Variants in GALNT13 observed in about 807,000 individuals in gnomAD.
GALNT13 encodes polypeptide N-acetylgalactosaminyltransferase 13, also known as UDP-GalNAc:polypeptide N-acetylgalactosaminyltransferase 13.
Under a neutral mutation model 64.2 loss-of-function variants are expected in GALNT13, and 28 were observed. The ratio of observed to expected loss-of-function variants is 0.44; its 90% confidence interval spans 0.32 to 0.60. The LOEUF is 0.60. Ranked by LOEUF, GALNT13 falls within the 20% of genes least tolerant of loss-of-function variation. GALNT13 has a pLI of 0.05. For missense variants in GALNT13, 577 were observed against 669.8 expected (o/e 0.86, Z 1.53); for synonymous variants, 214 against 224.6 (o/e 0.95, Z 0.42).
chr2:154,339,951 TTA>T (rs1166575019), intron 9 of GALNT13, among the ~76,000 whole-genome samples: 1 of 152,106 alleles, frequency 6.6e-6, no homozygotes, highest in East Asian at 1.9e-4. Context: ...AATATATATT[TTA>T]TGTTTTCTAC....
the GALNT13 span, among the ~76,000 whole-genome samples, chr2:153,367,835 G>A: frequency 2.0e-5 from 3 of 151,752 alleles, no homozygotes; most frequent in African/African-American, 7.3e-5. Flanking sequence ...ATCAACGTAA[G>A]AGAGAAAAAG....
chr2:154,355,243 G>A (rs998091531), intron 9 of GALNT13, among the ~76,000 whole-genome samples: 1 of 152,034 alleles, frequency 6.6e-6, no homozygotes, highest in African/African-American at 2.4e-5. Flanking sequence ...TTTAATTTTT[G>A]CAGTAATTCT....
At chr2:153,628,167 A>G in the GALNT13 span, among the ~76,000 whole-genome samples, 1 of 151,944 alleles carries the variant, frequency 6.6e-6, no homozygotes, top group African/African-American at 2.4e-5. Flanking sequence ...GGTGTATAAG[A>G]ATGCTTGTGA....
the GALNT13 span, among the ~76,000 whole-genome samples, chr2:153,445,977 T>C: frequency 6.6e-6 from 1 of 152,210 alleles, no homozygotes; most frequent in African/African-American, 2.4e-5. Context: ...GCTTTATTCC[T>C]TTATATGTTA....
intron 9 of GALNT13, among the ~76,000 whole-genome samples, chr2:154,342,603 A>T (rs1559101421): frequency 6.6e-6 from 1 of 152,094 alleles, no homozygotes; most frequent in Non-Finnish European, 1.5e-5. Flanking sequence ...TTCATAAAAA[A>T]AACTTTAATT....
intron 2 of GALNT13, among the ~76,000 whole-genome samples, chr2:153,910,517 T>A (rs1179406921): frequency 6.6e-6 from 1 of 152,146 alleles, no homozygotes; most frequent in Non-Finnish European, 1.5e-5. Flanking sequence ...CTTCTTTTAT[T>A]TGTGATGGTG....
chr2:153,073,505 T>G, the GALNT13 span, among the ~76,000 whole-genome samples: 1 of 152,026 alleles, frequency 6.6e-6, no homozygotes, highest in Non-Finnish European at 1.5e-5. Context: ...AATAAACTGA[T>G]TTTTCATACT....
the GALNT13 span, among the ~76,000 whole-genome samples, chr2:153,556,926 C>A: frequency 6.6e-6 from 1 of 152,146 alleles, no homozygotes; most frequent in Non-Finnish European, 1.5e-5. Context: ...TTACATTTAT[C>A]TGCCCACCTA....
chr2:153,981,037 A>G (rs991578657), intron 3 of GALNT13, among the ~76,000 whole-genome samples: 1 of 152,152 alleles, frequency 6.6e-6, no homozygotes, highest in Non-Finnish European at 1.5e-5. Context: ...ACTGTCTGCT[A>G]CATTATTAAA....
chr2:153,994,727 G>T (rs779597480), intron 3 of GALNT13, among the ~76,000 whole-genome samples: 1 of 152,044 alleles, frequency 6.6e-6, no homozygotes, highest in East Asian at 1.9e-4. Context: ...TTTGAGAAGC[G>T]TCTGTTCATA....
chr2:153,257,125 C>T, the GALNT13 span, among the ~76,000 whole-genome samples: 7 of 152,228 alleles, frequency 4.6e-5, no homozygotes, highest in Non-Finnish European at 8.8e-5. Flanking sequence ...GTAGGACCCT[C>T]CGAGCCAGGT....
the GALNT13 span, among the ~76,000 whole-genome samples, chr2:153,589,701 A>G: frequency 1.6e-4 from 24 of 152,204 alleles, 1 homozygote; most frequent in Admixed American, 1.4e-3. Flanking sequence ...CCACAAGCAA[A>G]CAGAGACAAC....
chr2:153,304,853 A>G, the GALNT13 span, among the ~76,000 whole-genome samples: 3 of 152,106 alleles, frequency 2.0e-5, no homozygotes, highest in Admixed American at 2.0e-4. Context: ...TTTTGGTGCA[A>G]TAGATAATAA....
At chr2:153,672,494 T>A in the GALNT13 span, among the ~76,000 whole-genome samples, 1 of 152,170 alleles carries the variant, frequency 6.6e-6, no homozygotes, top group African/African-American at 2.4e-5. Context: ...AAGAAGTTCT[T>A]TGAAACCAAT....
chr2:153,589,620 C>G, the GALNT13 span, among the ~76,000 whole-genome samples: 1 of 152,162 alleles, frequency 6.6e-6, no homozygotes, highest in Admixed American at 6.5e-5. Context: ...CTTACAATTC[C>G]ACATGGCTGA....
intron 12 of GALNT13, among the ~76,000 whole-genome samples, chr2:154,439,043 G>A (rs1017242596): frequency 6.6e-6 from 1 of 152,116 alleles, no homozygotes; most frequent in African/African-American, 2.4e-5. Context: ...GTATGAAGAT[G>A]TGCATACAGG....
the GALNT13 span, among the ~76,000 whole-genome samples, chr2:153,264,436 G>C: frequency 5.9e-5 from 9 of 152,028 alleles, no homozygotes; most frequent in Non-Finnish European, 1.2e-4. Flanking sequence ...CCCATTACTG[G>C]GTATATACCC....
chr2:153,640,360 C>T, the GALNT13 span, among the ~76,000 whole-genome samples: 1 of 152,098 alleles, frequency 6.6e-6, no homozygotes, highest in Admixed American at 6.6e-5. Context: ...GTGGTCCATA[C>T]TGTTTTTGAG....
intron 3 of GALNT13, among the ~76,000 whole-genome samples, chr2:154,052,831 G>T (rs905990154): frequency 4.6e-5 from 7 of 151,492 alleles, no homozygotes; most frequent in African/African-American, 1.7e-4. Context: ...CCGCCTCCCG[G>T]GTTCTCGCCA....
Sources: allele counts gnomAD v4.1 joint callset (sites outside exome capture counted in the v4.1 genomes callset), GRCh38; gene constraint gnomAD v4.1.1; transcripts MANE v1.5; gene names NCBI Gene and HGNC (gene_info 2026-07-23, HGNC 2026-07-21).